Variants in GABRA2 observed in about 807,000 individuals in gnomAD.
The protein encoded by GABRA2 is gamma-aminobutyric acid receptor subunit alpha-2.
In GABRA2, 16 loss-of-function variants were observed where a neutral mutation model predicts 48.7. The ratio of observed to expected loss-of-function variants is 0.33; its 90% CI spans 0.22 to 0.50. GABRA2 has a LOEUF of 0.50. Ranked by LOEUF, GABRA2 falls within the 20% of genes least tolerant of loss-of-function variation. The pLI, the probability that GABRA2 is intolerant of heterozygous loss-of-function variation, is 0.98. For missense variants in GABRA2, 275 were observed against 535.6 expected (o/e 0.51, Z 4.80); for synonymous variants, 185 against 184.5 (o/e 1.00, Z -0.02).
At chr4:46,372,509 G>T (rs1018313003) in intron 3 of GABRA2, among the ~76,000 whole-genome samples, 42 of 152,196 alleles carry the variant, frequency 2.8e-4, no homozygotes, top group African/African-American at 9.4e-4. Flanking sequence ...AAGAGTCGAT[G>T]TTCTTTAAGC....
chr4:46,314,077 C>T (rs1045538187), intron 4 of GABRA2, among the ~76,000 whole-genome samples: 5 of 151,942 alleles, frequency 3.3e-5, no homozygotes, highest in South Asian at 2.1e-4. Context: ...ACCTAGTGAG[C>T]GTGGGCTCAC....
In GABRA2 at chr4:46,246,834, G is replaced by T. The variant is rs143250485; in HGVS notation, c.*3474C>A. On this transcript the variant is annotated 3_prime_UTR_variant, in exon 10 of 10. Transcript: ENST00000381620. ...AAACAAATTATTAATGGATGCCAAA[G>T]AACCATGATAATGCAGAAGGTGACT... Among the ~76,000 whole-genome samples the T allele has an allele frequency of 1.3e-5, 2 of 151,218 alleles. No homozygotes were observed. Among genetic ancestry groups the T allele is most frequent in the African/African-American group, 2.4e-5 (1 of 41,442 alleles).
intron 3 of GABRA2, among the ~76,000 whole-genome samples, chr4:46,361,506 C>T (rs1429567912): frequency 6.6e-6 from 1 of 152,202 alleles, no homozygotes; most frequent in African/African-American, 2.4e-5. Flanking sequence ...GATGTCCAGG[C>T]AGAAGTTTGC....
intron 3 of GABRA2, among the ~76,000 whole-genome samples, chr4:46,343,682 T>G (rs1733673286): frequency 6.6e-6 from 1 of 152,022 alleles, no homozygotes; most frequent in Non-Finnish European, 1.5e-5. Context: ...GAGTTTGATC[T>G]GTATAATATG....
rs137893053 is a variant in GABRA2 at position 46,309,847 on chromosome 4, G to C, written c.559+326C>G. Among the ~76,000 whole-genome samples the C allele has an allele frequency of 3.3e-3, 496 of 152,154 alleles. 1 individual carries two copies. The highest frequency in any genetic ancestry group is 0.011 in the African/African-American group (446 of 41,526). On this transcript the variant is annotated intron_variant, in intron 6 of 9. Transcript: ENST00000381620. ...CAATTCATTCTTAGTTGATGAAAAA[G>C]AAACATTTGAGTTTTTAATATTCTA... is the stretch of plus-strand genomic sequence containing the variant.
intron 4 of GABRA2, among the ~76,000 whole-genome samples, chr4:46,325,120 T>C: frequency 6.6e-6 from 1 of 152,008 alleles, no homozygotes; most frequent in East Asian, 1.9e-4. Context: ...ATAAGCTTGC[T>C]GGGTCATATA....
intron 3 of GABRA2, chr4:46,364,645 A>C (rs565828745): frequency 6.6e-6 from 1 of 152,206 alleles, no homozygotes; most frequent in East Asian, 1.9e-4. Flanking sequence ...GTCAAGTCTC[A>C]TCTCCTAGAG....
intron 3 of GABRA2, chr4:46,366,305 G>T (rs878907394): frequency 2.0e-5 from 3 of 152,044 alleles, no homozygotes; most frequent in Non-Finnish European, 4.4e-5. Flanking sequence ...GGATGACCAA[G>T]AAATGCAATA....
intron 3 of GABRA2, chr4:46,368,603 T>A (rs367593395): frequency 5.2e-5 from 10 of 193,940 alleles, no homozygotes; most frequent in African/African-American, 2.1e-4. Context: ...TTCCGACTGG[T>A]TTTTTCATAC....
At chr4:46,364,137 A>G (rs1222885378) in intron 3 of GABRA2, 1 of 152,194 alleles carries the variant, frequency 6.6e-6, no homozygotes, top group Non-Finnish European at 1.5e-5. Context: ...CCTTGGAATC[A>G]AAGAGATCTA....
intron 8 of GABRA2, among the ~76,000 whole-genome samples, chr4:46,300,933 T>G (rs1725630201): frequency 6.6e-6 from 1 of 152,152 alleles, no homozygotes; most frequent in African/African-American, 2.4e-5. Context: ...GTAATTTATA[T>G]TTTTCAATTC....
intron 6 of GABRA2, among the ~76,000 whole-genome samples, chr4:46,306,624 A>G (rs1726748549): frequency 6.6e-6 from 1 of 152,036 alleles, no homozygotes; most frequent in African/African-American, 2.4e-5. Flanking sequence ...ACGCACTTTT[A>G]CTCATGAGAA....
At chr4:46,306,343 C>G (rs1726695347) in intron 6 of GABRA2, among the ~76,000 whole-genome samples, 1 of 152,092 alleles carries the variant, frequency 6.6e-6, no homozygotes, top group Non-Finnish European at 1.5e-5. Flanking sequence ...CCCAGTTAAA[C>G]TATGGATTGG....
intron 3 of GABRA2, among the ~76,000 whole-genome samples, chr4:46,376,896 G>C (rs1355027772): frequency 3.3e-5 from 5 of 152,054 alleles, no homozygotes; most frequent in Non-Finnish European, 7.4e-5. Flanking sequence ...GCGCGCGCCT[G>C]ACTGGTTTTC....
At chr4:46,273,141 G>C (rs988769875) in intron 8 of GABRA2, among the ~76,000 whole-genome samples, 2 of 150,552 alleles carry the variant, frequency 1.3e-5, no homozygotes, top group African/African-American at 4.9e-5. Context: ...TTTTAGTTAA[G>C]GTAGTATTGT....
intron 8 of GABRA2, among the ~76,000 whole-genome samples, chr4:46,302,074 CTTTT>C (rs58568555): frequency 2.1e-5 from 3 of 145,286 alleles, no homozygotes; most frequent in Non-Finnish European, 4.6e-5. Flanking sequence ...TCATTTTATT[CTTTT>C]TTTTTTTTGA....
intron 8 of GABRA2, among the ~76,000 whole-genome samples, chr4:46,263,043 A>G (rs1348177887): frequency 3.4e-5 from 3 of 88,814 alleles, no homozygotes; most frequent in Non-Finnish European, 6.6e-5. Context: ...ACTTTTGTAC[A>G]AAAGAATAGA....
intron 3 of GABRA2, among the ~76,000 whole-genome samples, chr4:46,377,386 C>T (rs1289282229): frequency 3.1e-4 from 47 of 151,694 alleles, no homozygotes; most frequent in Non-Finnish European, 5.5e-4. Flanking sequence ...TCTGCCCTGC[C>T]GCCCCGTCCG....
At chr4:46,285,825 T>G (rs1722453126) in intron 8 of GABRA2, among the ~76,000 whole-genome samples, 1 of 151,956 alleles carries the variant, frequency 6.6e-6, no homozygotes, top group African/African-American at 2.4e-5. Flanking sequence ...ATACCTATGG[T>G]TTTGGTTTTG....
Sources: allele counts gnomAD v4.1 joint callset (sites outside exome capture counted in the v4.1 genomes callset), GRCh38; gene constraint gnomAD v4.1.1; transcripts MANE v1.5; gene names NCBI Gene and HGNC (gene_info 2026-07-23, HGNC 2026-07-21).